ANKLE1: variants seen among roughly 807,000 people sequenced by gnomAD.
ANKLE1 encodes structure-specific endonuclease ANKLE1.
A neutral mutation model predicts 56.2 loss-of-function variants in ANKLE1; 59 were observed. That is an observed-to-expected ratio of 1.05 (90% CI 0.85 to 1.30). The LOEUF (loss-of-function observed/expected upper bound fraction) is 1.30, where lower values mean the gene tolerates loss of function less well. Among genes scored for constraint, ANKLE1 ranks in the 50% most tolerant of loss-of-function variants. The pLI is 0.00. For missense variants in ANKLE1, 771 were observed against 816.1 expected (o/e 0.94, Z 0.67); for synonymous variants, 341 against 352.9 (o/e 0.97, Z 0.38).
chr19:17,287,301 C>G lies in ANKLE1; in HGVS notation c.*749C>G, dbSNP rs148593454. ...CCAAAATTAGCTGGGCATGGTGGCG[C>G]GTGCCTGTAATCCCAGCTACTAGGG... On this transcript the variant is annotated 3_prime_UTR_variant, in exon 9 of 9. Coordinates refer to ENST00000404085, the MANE Select transcript of ANKLE1 (RefSeq NM_152363.6). 2.0e-5 allele frequency: 3 copies of G among 152,074 alleles called. No homozygotes were observed. The highest frequency in any genetic ancestry group is 6.5e-5 in the Admixed American group (1 of 15,270). 9.4% of individuals were successfully genotyped at this position (152,074 alleles called of 1,614,324 possible).
At chr19:17,283,997 C>A (rs1329517515) in intron 5 of ANKLE1, 35 bp downstream of exon 5, 1 of 1,591,856 alleles carries the variant, frequency 6.3e-7, no homozygotes, top group East Asian at 2.2e-5. Context: ...GTCCAGGGAG[C>A]CTCCAGGAAT....
intron 4 of ANKLE1, 25 bp from the exon 5 acceptor site, chr19:17,283,200 C>A: frequency 6.3e-7 from 1 of 1,590,914 alleles, no homozygotes; most frequent in Admixed American, 1.7e-5. Context: ...CTCCTCTCCT[C>A]TCTGGCCCCC....
chr19:17,285,860 A>G (rs2074026253), intron 8 of ANKLE1, 41 bp downstream of exon 8: 1 of 1,607,356 alleles, frequency 6.2e-7, no homozygotes, highest in Non-Finnish European at 8.5e-7. Flanking sequence ...TATGAAAGGC[A>G]TTTGGCTTCC....
Position 17,286,861 on chromosome 19 carries a change from TG to T in ANKLE1, c.*310del. 2 of 1,154,296 alleles carry T rather than the reference TG, an allele frequency of 1.7e-6. No homozygotes were observed. Among genetic ancestry groups the T allele is most frequent in the Non-Finnish European group, 2.2e-6 (2 of 926,252 alleles). 71.5% of individuals were successfully genotyped at this position (1,154,296 alleles called of 1,614,324 possible). On this transcript the variant is annotated 3_prime_UTR_variant, in exon 9 of 9. Coordinates refer to ENST00000404085, the MANE Select transcript of ANKLE1 (RefSeq NM_152363.6). ...GTGCTTTGGAACAGTCCGGTGCTTCTGTAAGAGGCGTTTGAACCTGGGCAAC... is the reference window on the plus strand; with the variant it reads ...GTGCTTTGGAACAGTCCGGTGCTTCTTAAGAGGCGTTTGAACCTGGGCAAC...
chr19:17,282,828 G>A, intron 3 of ANKLE1, 36 bp from the exon 4 acceptor site: 5 of 1,583,000 alleles, frequency 3.2e-6, no homozygotes, highest in Non-Finnish European at 4.3e-6. Flanking sequence ...AAGGTAAGAG[G>A]GCCTCGGGCG....
rs748471523 is a variant in ANKLE1, at chr19:17,286,668, G to GTGTT, written c.*119_*120insTTGT. ...AAGGGGTGTGTGTGTGTGTGTGTGT[G>GTGTT]TGTGTGTGTGTGTGTGTGTGTGTTT... On this transcript the variant is annotated 3_prime_UTR_variant, in exon 9 of 9. Transcript: ENST00000404085. 5.6e-3 allele frequency: 7,056 copies of GTGTT among 1,252,264 alleles called. 32 individuals carry two copies. Among genetic ancestry groups the GTGTT allele is most frequent in the Middle Eastern group, 0.012 (54 of 4,638 alleles). 77.6% of individuals were successfully genotyped at this position (1,252,264 alleles called of 1,614,324 possible). A position where few individuals can be genotyped will look rare whatever the true frequency, so the allele number is the denominator to read the frequency against.
In ANKLE1 at chr19:17,286,581, G is replaced by A. The variant is rs1172727061; in HGVS notation, c.*29G>A. ...CTGGGGAGTTGGCCATCCAGCCTGG[G>A]GAGAAATGTTTGAATGTTCCAGCTG... is the stretch of plus-strand genomic sequence containing the variant. On this transcript the variant is annotated 3_prime_UTR_variant, in exon 9 of 9. Coordinates refer to ENST00000404085, the MANE Select transcript of ANKLE1 (RefSeq NM_152363.6). The A allele has an allele frequency of 1.9e-6, 3 of 1,580,474 alleles. No homozygotes were observed. In the African/African-American group the frequency reaches 4.1e-5, roughly 21 times the overall value.
chr19:17,286,766 T>C lies in ANKLE1; in HGVS notation c.*214T>C. On this transcript the variant is annotated 3_prime_UTR_variant, in exon 9 of 9. Transcript: ENST00000404085. ...GGCTGAGAGAGGACTTTGTTACAGATGGTACTGCTGGAGAGGTAGTAAGTA... is the reference window on the plus strand; with the variant it reads ...GGCTGAGAGAGGACTTTGTTACAGACGGTACTGCTGGAGAGGTAGTAAGTA... 1 of 1,422,188 alleles carries C rather than the reference T, an allele frequency of 7.0e-7. No individual in the cohort carries two copies. The highest frequency in any genetic ancestry group is 9.2e-7 in the Non-Finnish European group (1 of 1,084,510). The allele number at this position is 1,422,188 out of a possible 1,614,324, so 88.1% of individuals were successfully genotyped here.
Position 17,281,999 on chromosome 19 carries a change from G to A in ANKLE1, c.62+17G>A. On this transcript the variant is annotated intron_variant, in intron 1 of 8. Coordinates refer to ENST00000404085, the MANE Select transcript of ANKLE1 (RefSeq NM_152363.6). ...GGAGCCGTGGTGAGGGCGGGGCCGGGGGCGGGCCAGGAGTGGGGGTCTTTG... is the reference window on the plus strand; with the variant it reads ...GGAGCCGTGGTGAGGGCGGGGCCGGAGGCGGGCCAGGAGTGGGGGTCTTTG... 2 of 1,534,850 alleles carry A rather than the reference G, an allele frequency of 1.3e-6. No homozygotes were observed. Among genetic ancestry groups the A allele is most frequent in the Non-Finnish European group, 1.7e-6 (2 of 1,145,844 alleles).
chr19:17,282,932 TCTCGACACGCGGACC>T lies in ANKLE1; in HGVS notation c.391_405del (p.Leu131_Thr135del), dbSNP rs1451453678. The stretch of plus-strand genomic sequence containing the variant: ...TGGAGTGCGCGCGAGTCCTGCAGGA[TCTCGACACGCGGACC>T]AGGACCCGGACCCGGATCGGGGCAG... On this transcript the variant is annotated inframe_deletion, in exon 4 of 9. Coordinates refer to ENST00000404085, the MANE Select transcript of ANKLE1 (RefSeq NM_152363.6). The T allele has an allele frequency of 6.4e-6, 10 of 1,571,718 alleles. No individual in the cohort carries two copies. Among genetic ancestry groups the T allele is most frequent in the Non-Finnish European group, 8.6e-6 (10 of 1,164,876 alleles).
At chr19:17,282,821 G>T in intron 3 of ANKLE1, 43 bp from the exon 4 acceptor site, 2 of 1,582,652 alleles carry the variant, frequency 1.3e-6, no homozygotes, top group African/African-American at 1.3e-5. Flanking sequence ...GGGAAGGAAG[G>T]TAAGAGGGCC....
At chr19:17,282,296 G>GA in intron 2 of ANKLE1, 87 bp downstream of exon 2, 7 of 1,435,168 alleles carry the variant, frequency 4.9e-6, no homozygotes, top group Non-Finnish European at 6.4e-6. Context: ...CCCGGGCCAG[G>GA]CCTCGGGGCT....
At position 17,285,752 on chromosome 19, in the gene ANKLE1, A is replaced by C; in HGVS notation, c.1608A>C (p.Leu536=). 6.2e-7 allele frequency: 1 copy of C among 1,613,858 alleles called. No individual in the cohort carries two copies. The highest frequency in any genetic ancestry group is 8.5e-7 in the Non-Finnish European group (1 of 1,179,866). ...IWASGCGVVS[L]HCFQHVVAVE... Reference sequence around the variant, plus strand: ...CCAGTGGTTGCGGTGTTGTGTCCCTACATTGCTTCCAGCACGTGGTCGCTG... The same window carrying C: ...CCAGTGGTTGCGGTGTTGTGTCCCTCCATTGCTTCCAGCACGTGGTCGCTG... The change falls in exon 8 of 9, where the codon CTA becomes CTC. Residue 536 remains leucine, a synonymous_variant. Coordinates refer to ENST00000404085, the MANE Select transcript of ANKLE1 (RefSeq NM_152363.6).
In ANKLE1 at chr19:17,286,465, G is replaced by C. The variant is rs1379829774; in HGVS notation, c.1761G>C (p.Gly587=). 1.2e-6 allele frequency: 2 copies of C among 1,612,720 alleles called. No individual in the cohort carries two copies. The highest frequency in any genetic ancestry group is 3.3e-5 in the Admixed American group (2 of 59,986). Residue 587 remains glycine (G), a synonymous_variant, in exon 9 of 9, where the codon GGG becomes GGC. Transcript: ENST00000404085. The stretch of plus-strand genomic sequence containing the variant: ...CACCTGCTCGTCGCCGGCGCTTGGG[G>C]GTGCACCTGCTGCACCGTGCCCTCC... ...GWPPARRRRL[G]VHLLHRALLV...
At position 17,286,662 on chromosome 19, in the gene ANKLE1, G is replaced by A; in HGVS notation, c.*110G>A. 1 of 690,728 alleles carries A rather than the reference G, an allele frequency of 1.4e-6. No homozygotes were observed. Among genetic ancestry groups the A allele is most frequent in the Non-Finnish European group, 2.2e-6 (1 of 453,676 alleles). 42.8% of individuals were successfully genotyped at this position (690,728 alleles called of 1,614,324 possible). On this transcript the variant is annotated 3_prime_UTR_variant, in exon 9 of 9. Coordinates refer to ENST00000404085, the MANE Select transcript of ANKLE1 (RefSeq NM_152363.6). ...TTTCAGAAGGGGTGTGTGTGTGTGT[G>A]TGTGTGTGTGTGTGTGTGTGTGTGT...
rs1280362467 is a variant in ANKLE1, at chr19:17,283,650, C to T, written c.886C>T (p.Pro296Ser). The T allele has an allele frequency of 6.2e-7, 1 of 1,613,242 alleles. No homozygotes were observed. Among genetic ancestry groups the T allele is most frequent in the Non-Finnish European group, 8.5e-7 (1 of 1,179,788 alleles). The change falls in exon 5 of 9, where the codon CCT (proline) becomes TCT (serine). Residue 296 changes from proline to serine, a missense_variant. Pro to Ser is a moderately conservative substitution (Grantham distance 74, BLOSUM62 -1). Transcript: ENST00000404085. ...AGFQSSPSSM[P>S]LLDRSPAHSP... is the part of the protein sequence containing the mutation. ...CTTCCAGTCCTCCCCTTCCTCCATG[C>T]CTCTCCTGGACAGGAGTCCAGCTCA...
In ANKLE1 at chr19:17,286,533, A is replaced by G. The variant is rs774016617; in HGVS notation, c.1829A>G (p.Asp610Gly). 1.2e-6 allele frequency: 2 copies of G among 1,609,234 alleles called. No individual in the cohort carries two copies. Among genetic ancestry groups the G allele is most frequent in the Admixed American group, 3.4e-5 (2 of 59,472 alleles). The part of the protein sequence containing the change: ...AEGERQLHPQ[D>G]IQARG ...GGCGAGCGACAGCTTCATCCCCAGG[A>G]CATCCAGGCCCGGGGCTGAGTGCTG... The change falls in exon 9 of 9, where the codon GAC becomes GGC. Residue 610 changes from aspartate (D) to glycine (G), a missense_variant. Asp to Gly is a moderately conservative substitution (Grantham distance 94). Transcript: ENST00000404085.
chr19:17,283,985 G>A (rs1406508425), intron 5 of ANKLE1, 23 bp downstream of exon 5: 2 of 1,592,088 alleles, frequency 1.3e-6, no homozygotes, highest in East Asian at 4.5e-5. Flanking sequence ...AGGGCACATG[G>A]AGTCCAGGGA....
chr19:17,285,684 C>G lies in ANKLE1; in HGVS notation c.1540C>G (p.His514Asp). The change falls in exon 8 of 9, where the codon CAC becomes GAC. Residue 514 changes from histidine to aspartate, a missense_variant. Coordinates refer to ENST00000404085, the MANE Select transcript of ANKLE1 (RefSeq NM_152363.6). ...CTGACTCCTGATTCTGCCCTAGCCC[C>G]ACCAGGCCTGCCCCAAGGTGCGTCA... ...GHHGRSRKQP[H>D]QACPKVRQIL... 1 of 1,613,936 alleles carries G rather than the reference C, an allele frequency of 6.2e-7. No homozygotes were observed. Among genetic ancestry groups the G allele is most frequent in the Non-Finnish European group, 8.5e-7 (1 of 1,179,876 alleles).
Sources: gnomAD v4.1 joint callset for allele counts on GRCh38, gnomAD v4.1.1 for gene constraint, MANE v1.5 for transcripts, NCBI Gene and HGNC (gene_info 2026-07-23, HGNC 2026-07-21) for gene names.